The following NNT variants were observed in gnomAD, a reference collection of about 807,000 sequenced individuals.
The protein encoded by NNT is NAD(P) transhydrogenase, mitochondrial.
Under a neutral mutation model 104.8 loss-of-function variants are expected in NNT, and 50 were observed. The observed-to-expected ratio is 0.48, with a 90% CI of 0.38 to 0.60. The LOEUF is 0.60. Among genes scored for constraint, NNT ranks in the 20% least tolerant of loss-of-function variants. NNT has a pLI of 0.00. For synonymous variants in NNT, 461 were observed against 490.4 expected, an observed-to-expected ratio of 0.94 and a Z score of 0.79; for missense variants, 1,131 against 1,330.7, an observed-to-expected ratio of 0.85 and a Z score of 2.33.
At position 43,628,277 on chromosome 5, in the gene NNT, A is replaced by G. The variant is rs747645913; in HGVS notation, c.854A>G (p.Gln285Arg). 5 of 1,614,086 alleles carry G rather than the reference A, an allele frequency of 3.1e-6. No individual in the cohort carries two copies. Among genetic ancestry groups the G allele is most frequent in the Non-Finnish European group, 8.5e-7 (1 of 1,179,984 alleles). ...GACTTGAAGGAATCTGGTGAGGGAC[A>G]AGGAGGATATGCAAAAGAGATGTCC... ...EVDLKESGEG[Q>R]GGYAKEMSKE... is the part of the protein sequence containing the mutation. The change falls in exon 7 of 22, where the codon CAA becomes CGA. Residue 285 changes from glutamine to arginine, a missense_variant. Transcript: ENST00000344920.
At chr5:43,606,487 G>C (rs1749232102) in intron 1 of NNT, among the ~76,000 whole-genome samples, 1 of 152,188 alleles carries the variant, frequency 6.6e-6, no homozygotes, top group Admixed American at 6.5e-5. Context: ...TATGAGACTT[G>C]AGAATACTTT....
intron 3 of NNT, chr5:43,613,678 A>C (rs1406190643): frequency 1.3e-5 from 2 of 152,380 alleles, no homozygotes; most frequent in African/African-American, 2.4e-5. Flanking sequence ...TCTATATACT[A>C]AATGACTTGA....
intron 17 of NNT, among the ~76,000 whole-genome samples, chr5:43,667,997 A>T (rs1740810039): frequency 1.3e-5 from 2 of 152,074 alleles, no homozygotes; most frequent in Admixed American, 6.5e-5. Context: ...TGTGGTTTCG[A>T]TTTACATTTC....
chr5:43,677,881 C>T, intron 19 of NNT, 75 bp downstream of exon 19: 1 of 1,185,262 alleles, frequency 8.4e-7, no homozygotes, highest in Non-Finnish European at 1.3e-6. Flanking sequence ...ACAGTGGACC[C>T]TTGAACAATG....
intron 17 of NNT, among the ~76,000 whole-genome samples, chr5:43,674,766 G>A (rs1025299934): frequency 4.6e-5 from 7 of 152,136 alleles, no homozygotes; most frequent in South Asian, 4.1e-4. Flanking sequence ...ACATATTTCA[G>A]CAGTGGCATT....
intron 8 of NNT, 84 bp from the exon 9 acceptor site, chr5:43,644,527 G>C: frequency 8.0e-7 from 1 of 1,248,266 alleles, no homozygotes; most frequent in Non-Finnish European, 1.1e-6. Flanking sequence ...ACAAAACTTA[G>C]CATTGAATAT....
intron 17 of NNT, among the ~76,000 whole-genome samples, chr5:43,666,247 G>C (rs1321943148): frequency 6.6e-6 from 1 of 152,146 alleles, no homozygotes; most frequent in Non-Finnish European, 1.5e-5. Context: ...CAGGCGGCTG[G>C]GAGGGGGAGG....
chr5:43,632,686 T>C (rs1437606317), intron 7 of NNT, among the ~76,000 whole-genome samples: 3 of 152,110 alleles, frequency 2.0e-5, no homozygotes, highest in Non-Finnish European at 4.4e-5. Context: ...AAAGAAAAGC[T>C]CTCTACTTTC....
chr5:43,671,350 C>T (rs149763048), intron 17 of NNT, among the ~76,000 whole-genome samples: 2 of 152,112 alleles, frequency 1.3e-5, no homozygotes, highest in South Asian at 2.1e-4. Flanking sequence ...TTATTTTGCT[C>T]GTTAGTTGAT....
At chr5:43,643,070 A>G (rs547534203) in intron 7 of NNT, among the ~76,000 whole-genome samples, 3 of 152,172 alleles carry the variant, frequency 2.0e-5, no homozygotes, top group African/African-American at 7.2e-5. Context: ...GACTATAGGC[A>G]TGTGCCACCA....
chr5:43,638,462 G>A (rs573351678), intron 7 of NNT, among the ~76,000 whole-genome samples: 1 of 152,244 alleles, frequency 6.6e-6, no homozygotes, highest in East Asian at 1.9e-4. Flanking sequence ...AAATGATAAA[G>A]TTCAGCCTAT....
intron 18 of NNT, 35 bp downstream of exon 18, chr5:43,675,705 TA>T: frequency 6.8e-7 from 1 of 1,469,994 alleles, no homozygotes; most frequent in Non-Finnish European, 9.1e-7. Context: ...TAACCTATAA[TA>T]GCTGTTATAA....
At chr5:43,703,137 G>T (rs1006551421) in intron 21 of NNT, among the ~76,000 whole-genome samples, 1 of 152,190 alleles carries the variant, frequency 6.6e-6, no homozygotes, top group African/African-American at 2.4e-5. Flanking sequence ...TTTTGAAAGG[G>T]AATTTATAAG....
intron 10 of NNT, 75 bp from the exon 11 acceptor site, chr5:43,649,072 T>G: frequency 6.8e-7 from 1 of 1,464,782 alleles, no homozygotes; most frequent in Non-Finnish European, 9.4e-7. Context: ...ATTCCACATA[T>G]TTATGTATGT....
intron 3 of NNT, 139 bp from the exon 4 acceptor site, chr5:43,615,708 AT>A (rs1425321800): frequency 2.7e-6 from 2 of 740,068 alleles, no homozygotes; most frequent in African/African-American, 3.6e-5. Context: ...TTGCTTAAGA[AT>A]TTAGTCAGAA....
Position 43,657,389 on chromosome 5 carries a change from C to T in NNT, c.2454+576C>T, listed in dbSNP as rs556111726. Among the ~76,000 whole-genome samples the T allele has an allele frequency of 6.6e-5, 10 of 152,236 alleles. No homozygotes were observed. The South Asian group carries it at 2.1e-3, about 32-fold the overall frequency. On this transcript the variant is annotated intron_variant, in intron 16 of 21. Coordinates refer to ENST00000344920, the MANE Select transcript of NNT (RefSeq NM_182977.3). The stretch of plus-strand genomic sequence containing the variant: ...GAAACACACAGTAGTTTTTAGTTGT[C>T]TATGTGACAGTCTGGCATCTTATAT...
chr5:43,698,512 ATTATC>A (rs35588341), intron 19 of NNT, among the ~76,000 whole-genome samples: 2,219 of 152,110 alleles, frequency 0.015, 58 homozygotes, highest in African/African-American at 0.047. Flanking sequence ...TGGGCAAATA[ATTATC>A]TTATTTGATT....
chr5:43,700,481 T>G (rs1742792547), intron 20 of NNT, among the ~76,000 whole-genome samples: 2 of 152,274 alleles, frequency 1.3e-5, no homozygotes, highest in Non-Finnish European at 2.9e-5. Flanking sequence ...GTGAAAACCT[T>G]GGTGTGTAGT....
intron 19 of NNT, among the ~76,000 whole-genome samples, chr5:43,685,957 G>A (rs983160659): frequency 1.3e-5 from 2 of 152,102 alleles, no homozygotes; most frequent in African/African-American, 4.8e-5. Flanking sequence ...TTAAAAAATA[G>A]TACTTTTTGA....
Sources: allele counts gnomAD v4.1 joint callset (sites outside exome capture counted in the v4.1 genomes callset), GRCh38; gene constraint gnomAD v4.1.1; transcripts MANE v1.5; gene names NCBI Gene and HGNC (gene_info 2026-07-23, HGNC 2026-07-21).